Variants in BFSP1 observed in about 807,000 individuals in gnomAD.
BFSP1 encodes beaded filament structural protein 1.
A neutral mutation model predicts 43.9 loss-of-function variants in BFSP1; 38 were observed. The observed-to-expected ratio is 0.87, with a 90% CI of 0.67 to 1.14. The LOEUF is 1.14. Ranked by LOEUF, BFSP1 falls within the 50% of genes most tolerant of loss-of-function variation. BFSP1 has a pLI of 0.00. For synonymous variants in BFSP1, 352 were observed against 354.8 expected (o/e 0.99, Z 0.09); for missense variants, 850 against 875.1 (o/e 0.97, Z 0.36).
chr20:17,524,404 G>A (rs1442357801), intron 2 of BFSP1, among the ~76,000 whole-genome samples: 1 of 152,148 alleles, frequency 6.6e-6, no homozygotes, highest in Admixed American at 6.5e-5. Context: ...AACTCTAGAG[G>A]AAATAGAAAT....
rs1037672535 is a variant in BFSP1 at position 17,507,576 on chromosome 20, A to C, written c.735+1313T>G. On this transcript the variant is annotated intron_variant, in intron 5 of 7. Coordinates refer to ENST00000377873, the MANE Select transcript of BFSP1 (RefSeq NM_001195.5). The surrounding 1 kb of genome is among the most constrained non-coding windows in gnomAD (Gnocchi z 4.4). ...ACATACACAGCACACACACATACAC[A>C]TGACACACACACACCACACACACTT... Among the ~76,000 whole-genome samples, 1 of 151,802 alleles carries C rather than the reference A, an allele frequency of 6.6e-6. No homozygotes were observed. Among genetic ancestry groups the C allele is most frequent in the East Asian group, 1.9e-4 (1 of 5,180 alleles).
At chr20:17,504,132 G>C (rs766803441) in intron 5 of BFSP1, among the ~76,000 whole-genome samples, 7 of 152,168 alleles carry the variant, frequency 4.6e-5, no homozygotes, top group Non-Finnish European at 7.3e-5. Context: ...CTGGAACACT[G>C]CGGGAGGAGC....
intron 2 of BFSP1, among the ~76,000 whole-genome samples, chr20:17,521,635 G>C (rs542037672): frequency 6.6e-6 from 1 of 152,298 alleles, no homozygotes; most frequent in South Asian, 2.1e-4. Flanking sequence ...TCTCAGCAGA[G>C]AACAAAAAGG....
At position 17,494,821 on chromosome 20, in the gene BFSP1, T is replaced by C; in HGVS notation, c.1251A>G (p.Lys417=). Residue 417 remains lysine (K), a synonymous_variant, in exon 8 of 8, where the codon AAA becomes AAG. Coordinates refer to ENST00000377873, the MANE Select transcript of BFSP1 (RefSeq NM_001195.5). ...CTTCTTGTGTCAGGGGACTTACTTC[T>C]TTACTTTCTGATTCAAACTTAGATT... ...ESESKFESES[K]EVSPLTQEGA... 6.2e-7 allele frequency: 1 copy of C among 1,614,230 alleles called. No individual in the cohort carries two copies. The highest frequency in any genetic ancestry group is 8.5e-7 in the Non-Finnish European group (1 of 1,180,044).
intron 1 of BFSP1, among the ~76,000 whole-genome samples, chr20:17,546,022 T>C (rs1020911331): frequency 2.0e-5 from 3 of 152,228 alleles, no homozygotes; most frequent in Admixed American, 2.0e-4. Context: ...CCTTGAATTC[T>C]TTCCTGTGCG....
chr20:17,548,869 G>A (rs554565553), intron 1 of BFSP1, among the ~76,000 whole-genome samples: 39 of 152,232 alleles, frequency 2.6e-4, no homozygotes, highest in African/African-American at 9.2e-4. Flanking sequence ...GTGCAGTGGT[G>A]TGATCATAGC....
chr20:17,517,558 A>G (rs1022417769), intron 2 of BFSP1, among the ~76,000 whole-genome samples: 5 of 152,224 alleles, frequency 3.3e-5, no homozygotes. Context: ...TGCTGGGATT[A>G]CAGGTGTGAG....
intron 5 of BFSP1, among the ~76,000 whole-genome samples, chr20:17,501,458 T>C (rs1340540915): frequency 1.3e-5 from 2 of 151,942 alleles, no homozygotes; most frequent in African/African-American, 4.8e-5. Flanking sequence ...CCAGCTACTC[T>C]GGAGGCTGAG....
At chr20:17,553,792 TATACACACACACACAC>T (rs1268457965) in intron 1 of BFSP1, among the ~76,000 whole-genome samples, 4 of 68,562 alleles carry the variant, frequency 5.8e-5, no homozygotes, top group African/African-American at 4.9e-4. Flanking sequence ...TATATATATA[TATACACACACACACAC>T]ACACACACAC....
chr20:17,498,998 A>C lies in BFSP1; in HGVS notation c.778T>G (p.Tyr260Asp). 1 of 1,614,160 alleles carries C rather than the reference A, an allele frequency of 6.2e-7. No individual in the cohort carries two copies. Among genetic ancestry groups the C allele is most frequent in the Non-Finnish European group, 8.5e-7 (1 of 1,180,028 alleles). ...TTATAAAGCTGAATCTCATCGTCAT[A>C]ACACTCATGGGCACTTTTAATAGCT... is the stretch of plus-strand genomic sequence containing the variant. ...EQAIKSAHEC[Y>D]DDEIQLYNEQ... Residue 260 changes from tyrosine (Y) to aspartate (D), a missense_variant, in exon 6 of 8, where the codon TAT becomes GAT. Coordinates refer to ENST00000377873, the MANE Select transcript of BFSP1 (RefSeq NM_001195.5).
At chr20:17,498,262 G>A (rs932684575) in intron 6 of BFSP1, among the ~76,000 whole-genome samples, 6 of 152,232 alleles carry the variant, frequency 3.9e-5, no homozygotes, top group African/African-American at 1.4e-4. Context: ...GAGAAAGAGA[G>A]AATTTCCCAG....
At chr20:17,537,131 C>G (rs1162459040) in intron 1 of BFSP1, among the ~76,000 whole-genome samples, 1 of 152,164 alleles carries the variant, frequency 6.6e-6, no homozygotes. Context: ...AGAGGGCCAC[C>G]CTATACTAAA....
chr20:17,539,911 C>T (rs2034689411), intron 1 of BFSP1, among the ~76,000 whole-genome samples: 1 of 152,128 alleles, frequency 6.6e-6, no homozygotes, highest in Non-Finnish European at 1.5e-5. Flanking sequence ...CACTAGCTTC[C>T]CAGCGTTGAC....
chr20:17,497,294 A>C (rs1387512926), intron 6 of BFSP1, among the ~76,000 whole-genome samples: 2 of 151,938 alleles, frequency 1.3e-5, no homozygotes, highest in African/African-American at 4.8e-5. Context: ...TAAAAATGCC[A>C]CTTCTCCATG....
chr20:17,509,703 G>A (rs1418258426), intron 4 of BFSP1, among the ~76,000 whole-genome samples: 4 of 152,208 alleles, frequency 2.6e-5, no homozygotes, highest in Non-Finnish European at 5.9e-5. Context: ...CATACGCTGT[G>A]CTCGGATGTC....
intron 1 of BFSP1, among the ~76,000 whole-genome samples, chr20:17,529,825 C>T (rs1278893070): frequency 6.6e-6 from 1 of 151,618 alleles, no homozygotes; most frequent in Non-Finnish European, 1.5e-5. Flanking sequence ...AGTGTACCTG[C>T]TGCAGTATTG....
upstream of BFSP1, chr20:17,531,387 G>A (rs2034538085): frequency 3.1e-6 from 4 of 1,287,802 alleles, no homozygotes; most frequent in South Asian, 4.3e-5. Context: ...GAGGCCCCCG[G>A]CGCAGCCCGC....
At chr20:17,554,468 A>G (rs2034957490) in intron 1 of BFSP1, among the ~76,000 whole-genome samples, 1 of 152,214 alleles carries the variant, frequency 6.6e-6, no homozygotes, top group Non-Finnish European at 1.5e-5. Flanking sequence ...GAAGGCCACA[A>G]TTGTTTGGCA....
Position 17,525,849 on chromosome 20 carries a change from C to T in BFSP1, c.378-941G>A, listed in dbSNP as rs1438120830. Among the ~76,000 whole-genome samples the T allele has an allele frequency of 2.0e-5, 3 of 152,108 alleles. No individual in the cohort carries two copies. The highest frequency in any genetic ancestry group is 4.4e-5 in the Non-Finnish European group (3 of 68,016). On this transcript the variant is annotated intron_variant, in intron 1 of 7. Coordinates refer to ENST00000377873, the MANE Select transcript of BFSP1 (RefSeq NM_001195.5). This position sits in a 1 kb window ranked among gnomAD's most constrained non-coding sequence, Gnocchi z 4.2. ...GCCAGGTGTGGCCATGTGACTAAGT[C>T]CTGACCAATGGGATGGAAGCATAAG...
Sources: allele counts gnomAD v4.1 joint callset (sites outside exome capture counted in the v4.1 genomes callset), GRCh38; gene constraint gnomAD v4.1.1; non-coding constraint Gnocchi (gnomAD v3.1); transcripts MANE v1.5; gene names NCBI Gene and HGNC (gene_info 2026-07-23, HGNC 2026-07-21).